The following TMPRSS6 variants were observed in gnomAD, a reference collection of about 807,000 sequenced individuals.
TMPRSS6 encodes transmembrane protease serine 6.
Under a neutral mutation model 101.5 loss-of-function variants are expected in TMPRSS6, and 67 were observed. The ratio of observed to expected loss-of-function variants is 0.66; its 90% CI spans 0.54 to 0.81. TMPRSS6 has a LOEUF of 0.81. TMPRSS6 is among the 30% of genes least tolerant of loss of function. The pLI is 0.00. For synonymous variants in TMPRSS6, 453 were observed against 464.9 expected (o/e 0.97, Z 0.33); for missense variants, 1,034 against 1,088.7 (o/e 0.95, Z 0.71).
intron 10 of TMPRSS6, among the ~76,000 whole-genome samples, chr22:37,078,681 AGAAGAGGAAGAG>A (rs796257639): frequency 1.0e-5 from 1 of 99,076 alleles, no homozygotes; most frequent in African/African-American, 4.2e-5. Flanking sequence ...CTTTAGAAGG[AGAAGAGGAAGAG>A]GAAGAGGAAG....
chr22:37,077,467 C>T (rs1927772500), intron 10 of TMPRSS6, among the ~76,000 whole-genome samples: 1 of 152,206 alleles, frequency 6.6e-6, no homozygotes, highest in Non-Finnish European at 1.5e-5. Flanking sequence ...CAGGGGACCC[C>T]TGGGGGTCCA....
intron 1 of TMPRSS6, among the ~76,000 whole-genome samples, chr22:37,106,434 G>A (rs1930720178): frequency 6.6e-6 from 1 of 152,006 alleles, no homozygotes; most frequent in Non-Finnish European, 1.5e-5. Context: ...TGCAGATTTT[G>A]CCTCCCTCTA....
chr22:37,104,671 C>A (rs1930600324), intron 1 of TMPRSS6, among the ~76,000 whole-genome samples: 1 of 152,180 alleles, frequency 6.6e-6, no homozygotes, highest in Non-Finnish European at 1.5e-5. Flanking sequence ...CTTTAAAATG[C>A]ACCCCAGGGC....
In TMPRSS6 at chr22:37,103,491, G is replaced by T; in HGVS notation, c.-1-73C>A. 1.2e-6 allele frequency: 2 copies of T among 1,614,210 alleles called. No individual in the cohort carries two copies. The highest frequency in any genetic ancestry group is 1.7e-6 in the Non-Finnish European group (2 of 1,180,044). On this transcript the variant is annotated intron_variant, in intron 1 of 17. Coordinates refer to ENST00000676104, the MANE Select transcript of TMPRSS6 (RefSeq NM_001374504.1). The surrounding 1 kb of genome is among the most constrained non-coding windows in gnomAD (Gnocchi z 4.4). Reference sequence around the variant, plus strand: ...GGAGCCTCTGCTGAGCACCGGTGGGGCACGGAAGCAGGACTTCCCTGCCTT... The same window carrying T: ...GGAGCCTCTGCTGAGCACCGGTGGGTCACGGAAGCAGGACTTCCCTGCCTT...
intron 6 of TMPRSS6, among the ~76,000 whole-genome samples, chr22:37,094,324 T>C (rs940684599): frequency 2.0e-5 from 3 of 152,210 alleles, no homozygotes; most frequent in Admixed American, 2.0e-4. Flanking sequence ...CTTAACCAGG[T>C]TTGTATCTAA....
intron 5 of TMPRSS6, 89 bp downstream of exon 5, chr22:37,095,817 G>A (rs1929701982): frequency 1.9e-6 from 3 of 1,541,094 alleles, no homozygotes; most frequent in African/African-American, 1.4e-5. Flanking sequence ...AGCACCCCAG[G>A]CCTGGCAGGC....
intron 6 of TMPRSS6, among the ~76,000 whole-genome samples, chr22:37,092,416 C>T (rs926335726): frequency 3.9e-5 from 6 of 152,190 alleles, no homozygotes; most frequent in Non-Finnish European, 7.3e-5. Flanking sequence ...CAGCCTCGAC[C>T]TCCTGAGCTC....
At position 37,066,137 on chromosome 22, in the gene TMPRSS6, G is replaced by A. The variant is rs763408976; in HGVS notation, c.2352C>T (p.Phe784=). The change falls in exon 18 of 18, where the codon TTC becomes TTT. Residue 784 remains phenylalanine (F), a synonymous_variant. Coordinates refer to ENST00000676104, the MANE Select transcript of TMPRSS6 (RefSeq NM_001374504.1). ...CACCTGTGATGCGGGTGTAGACGCC[G>A]AAGTAGTTAGGCCGGCCACAGCCCA... ...WGLGCGRPNY[F]GVYTRITGVI... The A allele has an allele frequency of 3.5e-5, 57 of 1,613,310 alleles. No individual in the cohort carries two copies. Among genetic ancestry groups the A allele is most frequent in the Middle Eastern group, 1.6e-4 (1 of 6,084 alleles).
rs967468535 is a variant in TMPRSS6, at chr22:37,081,235, C to A, written c.1196+3060G>T. ...AGGTTTGTTGCACTTGACCTAAGCC[C>A]GCGTGTGCAATGTTCTCCACGCGTT... On this transcript the variant is annotated intron_variant, in intron 10 of 17. Coordinates refer to ENST00000676104, the MANE Select transcript of TMPRSS6 (RefSeq NM_001374504.1). 2.6e-5 allele frequency among the ~76,000 whole-genome samples: 4 copies of A among 152,332 alleles called. No individual in the cohort carries two copies. In the East Asian group the frequency reaches 7.7e-4, roughly 29 times the overall value.
intron 2 of TMPRSS6, among the ~76,000 whole-genome samples, chr22:37,099,866 G>A (rs1930146371): frequency 6.6e-6 from 1 of 152,228 alleles, no homozygotes. Context: ...ATGGGGAAGG[G>A]GAGAGGCTGG....
At chr22:37,075,340 AG>A (rs1927541477) in intron 10 of TMPRSS6, 60 bp from the exon 11 acceptor site, 7 of 1,605,862 alleles carry the variant, frequency 4.4e-6, no homozygotes, top group Admixed American at 1.7e-5. Context: ...TCCCGTGCAC[AG>A]ACAGAGCAAG....
rs1158351698 is a variant in TMPRSS6 at position 37,101,852 on chromosome 22, C to T, written c.202+1364G>A. Among the ~76,000 whole-genome samples the T allele has an allele frequency of 3.3e-5, 5 of 152,192 alleles. No homozygotes were observed. Among genetic ancestry groups the T allele is most frequent in the South Asian group, 2.1e-4 (1 of 4,828 alleles). ...GGTTTACCCTGTAGACTAATTAGCC[C>T]GCTACCTGAGGAGGCCCCCACAGCC... On this transcript the variant is annotated intron_variant, in intron 2 of 17. Coordinates refer to ENST00000676104, the MANE Select transcript of TMPRSS6 (RefSeq NM_001374504.1). This position sits in a 1 kb window ranked among gnomAD's most constrained non-coding sequence, Gnocchi z 4.1.
At chr22:37,074,045 G>A (rs142735314) in intron 12 of TMPRSS6, among the ~76,000 whole-genome samples, 2,004 of 152,194 alleles carry the variant, frequency 0.013, 20 homozygotes, top group Non-Finnish European at 0.02. Flanking sequence ...CACTGCGCCC[G>A]GCCTCTTTCT....
chr22:37,072,588 A>G (rs577778824), intron 13 of TMPRSS6, among the ~76,000 whole-genome samples: 3,067 of 122,178 alleles, frequency 0.025, 168 homozygotes, highest in African/African-American at 0.084. Context: ...TGATGGATGG[A>G]TGGATGATGG....
At chr22:37,080,607 G>T (rs1030223394) in intron 10 of TMPRSS6, among the ~76,000 whole-genome samples, 10 of 152,266 alleles carry the variant, frequency 6.6e-5, no homozygotes, top group African/African-American at 2.4e-4. Context: ...TAACTAGAGG[G>T]CACAGTGGCC....
Position 37,066,902 on chromosome 22 carries a change from C to CT in TMPRSS6, c.2173dup (p.Ser725LysfsTer28). 1 of 1,614,174 alleles carries CT rather than the reference C, an allele frequency of 6.2e-7. No individual in the cohort carries two copies. The highest frequency in any genetic ancestry group is 1.1e-5 in the South Asian group (1 of 91,076). On this transcript the variant is annotated frameshift_variant, in exon 17 of 18. Transcript: ENST00000676104. LOFTEE classifies it high-confidence loss of function. ...CGTCACCTGGTAGCGATAGACCTCG[C>CT]TGCACAGGTCCTGTGGGATCAACTG...
intron 13 of TMPRSS6, among the ~76,000 whole-genome samples, chr22:37,072,804 GGATGGATGGAT>G (rs1392976556): frequency 1.4e-5 from 2 of 146,232 alleles, no homozygotes; most frequent in Admixed American, 6.8e-5. Context: ...GATGATGGAT[GGATGGATGGAT>G]GATGGATGGA....
intron 13 of TMPRSS6, 134 bp from the exon 14 acceptor site, chr22:37,071,166 C>G: frequency 1.3e-6 from 1 of 782,044 alleles, no homozygotes; most frequent in East Asian, 2.7e-5. Context: ...CCTGAGTCTC[C>G]TTTAGGGTCT....
intron 10 of TMPRSS6, among the ~76,000 whole-genome samples, chr22:37,077,046 C>A (rs2146074702): frequency 6.6e-6 from 1 of 152,332 alleles, no homozygotes; most frequent in Admixed American, 6.5e-5. Flanking sequence ...AGCCACCGAA[C>A]AGCTGAAGAT....
Sources: gnomAD v4.1 joint callset for allele counts (sites outside exome capture counted in the v4.1 genomes callset) on GRCh38, gnomAD v4.1.1 for gene constraint, Gnocchi (gnomAD v3.1) non-coding constraint, MANE v1.5 for transcripts, NCBI Gene and HGNC (gene_info 2026-07-23, HGNC 2026-07-21) for gene names.